Variants in BCAT1 observed in about 807,000 individuals in gnomAD.
BCAT1 encodes branched chain amino acid transaminase 1.
In BCAT1, 48 loss-of-function variants were observed where a neutral mutation model predicts 52.4. The observed-to-expected ratio is 0.92, with a 90% CI of 0.73 to 1.16. BCAT1 has a LOEUF of 1.16. BCAT1 is among the 50% of genes most tolerant of loss of function. The pLI, the probability that BCAT1 is intolerant of heterozygous loss-of-function variation, is 0.00. For synonymous variants in BCAT1, 167 were observed against 161.3 expected, an observed-to-expected ratio of 1.04 and a Z score of -0.27; for missense variants, 451 against 457.1, an observed-to-expected ratio of 0.99 and a Z score of 0.12.
Position 24,911,735 on chromosome 12 carries a change from T to A in BCAT1, c.7-9850A>T, listed in dbSNP as rs141191199. On this transcript the variant is annotated intron_variant, in intron 1 of 10. Coordinates refer to ENST00000261192, the MANE Select transcript of BCAT1 (RefSeq NM_005504.7). ...CCCTCGTCCTCATTTGCACTTCCCA[T>A]CTTCTTCTGCACAGGGAGGAAACCC... Among the ~76,000 whole-genome samples the A allele has an allele frequency of 4.1e-3, 629 of 152,168 alleles. 3 individuals are homozygous for A. The highest frequency in any genetic ancestry group is 0.014 in the African/African-American group (596 of 41,496).
chr12:24,948,085 T>C (rs2139775348), intron 1 of BCAT1, among the ~76,000 whole-genome samples: 1 of 152,376 alleles, frequency 6.6e-6, no homozygotes, highest in African/African-American at 2.4e-5. Flanking sequence ...GAAACGAGGC[T>C]TTATTCCTAC....
intron 5 of BCAT1, among the ~76,000 whole-genome samples, chr12:24,852,049 G>A (rs1184551291): frequency 6.6e-6 from 1 of 151,476 alleles, no homozygotes; most frequent in Non-Finnish European, 1.5e-5. Flanking sequence ...TTGTGAGAGT[G>A]AGTGAGTTCT....
intron 1 of BCAT1, among the ~76,000 whole-genome samples, chr12:24,939,080 G>A (rs1434087250): frequency 6.6e-6 from 1 of 152,092 alleles, no homozygotes; most frequent in Non-Finnish European, 1.5e-5. Flanking sequence ...CACCATGTTG[G>A]TCAGGCTAGT....
intron 1 of BCAT1, chr12:24,902,859 G>C (rs1239500397): frequency 2.4e-5 from 36 of 1,489,700 alleles, no homozygotes; most frequent in Non-Finnish European, 3.2e-5. Context: ...TGCAGGAAAC[G>C]GCGACAAGGC....
At chr12:24,928,704 TTTGTTGTTGTTGTTGTTGTTG>T (rs71063374) in intron 1 of BCAT1, among the ~76,000 whole-genome samples, 4 of 144,090 alleles carry the variant, frequency 2.8e-5, no homozygotes, top group East Asian at 4.1e-4. Context: ...GTGTGAAATG[TTTGTTGTTGTTGTTGTTGTTG>T]TTGTTGTTGT....
At chr12:24,938,645 T>C (rs755508290) in intron 1 of BCAT1, among the ~76,000 whole-genome samples, 9 of 152,100 alleles carry the variant, frequency 5.9e-5, no homozygotes, top group Non-Finnish European at 1.0e-4. Context: ...CAAGGTCTTC[T>C]ATGATTAGGG....
intron 8 of BCAT1, among the ~76,000 whole-genome samples, chr12:24,836,251 A>C (rs1940918764): frequency 6.6e-6 from 1 of 152,202 alleles, no homozygotes; most frequent in Non-Finnish European, 1.5e-5. Flanking sequence ...TACCTGGTAG[A>C]CTGAGACTAC....
At chr12:24,823,366 G>C (rs1031577264) in intron 10 of BCAT1, among the ~76,000 whole-genome samples, 3 of 152,136 alleles carry the variant, frequency 2.0e-5, no homozygotes, top group Non-Finnish European at 4.4e-5. Context: ...AAGCCACCAT[G>C]CCTGGCCACC....
intron 10 of BCAT1, among the ~76,000 whole-genome samples, chr12:24,824,272 C>CCT (rs1477491998): frequency 0.13 from 15,771 of 124,498 alleles, 1,657 homozygotes; most frequent in African/African-American, 0.13. Flanking sequence ...CCTTCATTCC[C>CCT]TCCCTCCCTC....
Position 24,867,283 on chromosome 12 carries a change from C to T in BCAT1, c.510+11247G>A, listed in dbSNP as rs926478568. 2.0e-5 allele frequency among the ~76,000 whole-genome samples: 3 copies of T among 151,920 alleles called. No individual in the cohort carries two copies. In the East Asian group the frequency reaches 5.8e-4, roughly 29 times the overall value. On this transcript the variant is annotated intron_variant, in intron 5 of 10. Coordinates refer to ENST00000261192, the MANE Select transcript of BCAT1 (RefSeq NM_005504.7). ...GGCTTCATTCTTGAAGTCAGTGAGA[C>T]CAAGAACCCACCAATTCCGGATACG...
intron 7 of BCAT1, among the ~76,000 whole-genome samples, chr12:24,840,868 T>C (rs1565456966): frequency 6.6e-6 from 1 of 152,250 alleles, no homozygotes; most frequent in African/African-American, 2.4e-5. Flanking sequence ...ACATCATTTA[T>C]ATTTCTAGTC....
chr12:24,836,700 A>T, intron 7 of BCAT1, 104 bp from the exon 8 acceptor site: 1 of 963,506 alleles, frequency 1.0e-6, no homozygotes, highest in Non-Finnish European at 1.6e-6. Flanking sequence ...TGCTAGCAAC[A>T]AACATAAAGA....
chr12:24,874,344 G>A (rs958770798), intron 5 of BCAT1, among the ~76,000 whole-genome samples: 6 of 151,860 alleles, frequency 4.0e-5, no homozygotes, highest in African/African-American at 1.5e-4. Context: ...TAAAAATGAA[G>A]GATCAGTTAA....
In BCAT1 at chr12:24,810,601, A is replaced by G. The variant is rs1488755834; in HGVS notation, c.*7407T>C. 1 of 152,156 alleles carries G rather than the reference A, an allele frequency of 6.6e-6. No homozygotes were observed. The highest frequency in any genetic ancestry group is 1.9e-4 in the East Asian group (1 of 5,188). 9.4% of individuals were successfully genotyped at this position (152,156 alleles called of 1,614,324 possible). A position where few individuals can be genotyped will look rare whatever the true frequency, so the allele number is the denominator to read the frequency against. On this transcript the variant is annotated 3_prime_UTR_variant, in exon 11 of 11. Transcript: ENST00000261192. ...AGCGTTGACACTGTAAGAACACTTG[A>G]CTAATAACCTTTGCCTAGACCTTCC...
At chr12:24,941,674 C>G (rs551105399) in intron 1 of BCAT1, among the ~76,000 whole-genome samples, 1 of 152,302 alleles carries the variant, frequency 6.6e-6, no homozygotes, top group Admixed American at 6.5e-5. Context: ...GGGCAAGGTT[C>G]ATGCTACAAC....
At chr12:24,869,216 G>A (rs1942111733) in intron 5 of BCAT1, among the ~76,000 whole-genome samples, 1 of 152,170 alleles carries the variant, frequency 6.6e-6, no homozygotes, top group Non-Finnish European at 1.5e-5. Context: ...AAGCACTTTG[G>A]GAGTTTGGCA....
rs1304322528 is a variant in BCAT1, at chr12:24,813,416, C to A, written c.*4592G>T. On this transcript the variant is annotated 3_prime_UTR_variant, in exon 11 of 11. Coordinates refer to ENST00000261192, the MANE Select transcript of BCAT1 (RefSeq NM_005504.7). Reference sequence around the variant, plus strand: ...AATAGCTGGATCCATCACCTTCAAGCTAATACTTTAAACAGCATGGTTCAT... The same window carrying A: ...AATAGCTGGATCCATCACCTTCAAGATAATACTTTAAACAGCATGGTTCAT... 2.0e-5 allele frequency: 3 copies of A among 151,966 alleles called. No individual in the cohort carries two copies. In the South Asian group the frequency reaches 6.2e-4, roughly 31 times the overall value. The allele number at this position is 151,966 out of a possible 1,614,324, so 9.4% of individuals were successfully genotyped here. A position where few individuals can be genotyped will look rare whatever the true frequency, so the allele number is the denominator to read the frequency against.
intron 1 of BCAT1, among the ~76,000 whole-genome samples, chr12:24,937,854 T>C (rs529275282): frequency 5.9e-5 from 9 of 152,140 alleles, no homozygotes; most frequent in Non-Finnish European, 1.3e-4. Context: ...TAGGACTGCA[T>C]AGATGTAAGA....
In BCAT1 at chr12:24,894,381, A is replaced by G; in HGVS notation, c.173T>C (p.Leu58Pro). ...VFGTVFTDHM[L>P]TVEWSSEFGW... ...AAACTCTGAGGACCACTCCACCGTC[A>G]GCATATGATCCGTGAACACAGTTCC... is the stretch of plus-strand genomic sequence containing the variant. The change falls in exon 3 of 11, where the codon CTG becomes CCG. Residue 58 changes from leucine (L) to proline (P), a missense_variant. Physicochemically the swap from Leu to Pro is moderately conservative, Grantham distance 98. Transcript: ENST00000261192. 6.2e-7 allele frequency: 1 copy of G among 1,613,900 alleles called. No homozygotes were observed. The highest frequency in any genetic ancestry group is 1.6e-4 in the Middle Eastern group (1 of 6,062).
Sources: allele counts gnomAD v4.1 joint callset (sites outside exome capture counted in the v4.1 genomes callset), GRCh38; gene constraint gnomAD v4.1.1; transcripts MANE v1.5; gene names NCBI Gene and HGNC (gene_info 2026-07-23, HGNC 2026-07-21).